The following POLN variants were observed in gnomAD, a reference collection of about 807,000 sequenced individuals.
POLN encodes DNA polymerase N.
Under a neutral mutation model 113.5 loss-of-function variants are expected in POLN, and 108 were observed. That is an observed-to-expected ratio of 0.95 (90% CI 0.81 to 1.12). The LOEUF (loss-of-function observed/expected upper bound fraction) is 1.12, where lower values mean the gene tolerates loss of function less well. Ranked by LOEUF, POLN falls within the 50% of genes most tolerant of loss-of-function variation. The probability of loss-of-function intolerance (pLI) is 0.00; values close to 1 mark genes in which losing one functional copy is unlikely to be tolerated. For synonymous variants in POLN, 386 were observed against 391.5 expected, an observed-to-expected ratio of 0.99 and a Z score of 0.17; for missense variants, 1,097 against 1,077.1, an observed-to-expected ratio of 1.02 and a Z score of -0.26.
intron 2 of POLN, chr4:2,241,033 C>CG (rs1734968671): frequency 1.1e-6 from 1 of 936,168 alleles, no homozygotes; most frequent in Non-Finnish European, 1.6e-6. Flanking sequence ...AAAAAAGCTA[C>CG]GTTTTATACC....
intron 16 of POLN, among the ~76,000 whole-genome samples, chr4:2,152,861 A>G (rs1732328357): frequency 6.6e-6 from 1 of 152,244 alleles, no homozygotes; most frequent in African/African-American, 2.4e-5. Context: ...GCTCTGCCAC[A>G]CATTGCTCAG....
intron 8 of POLN, 110 bp downstream of exon 8, chr4:2,179,198 T>A: frequency 9.1e-7 from 1 of 1,098,448 alleles, no homozygotes; most frequent in African/African-American, 1.6e-5. Flanking sequence ...TAAGTGAAAA[T>A]GAATGTTGAC....
At chr4:2,161,985 G>T (rs1202790264) in intron 13 of POLN, among the ~76,000 whole-genome samples, 7 of 152,084 alleles carry the variant, frequency 4.6e-5, no homozygotes, top group Admixed American at 2.0e-4. Flanking sequence ...CTAGCTCAGG[G>T]ATTGTAAATG....
rs979792160 is a variant in POLN, at chr4:2,078,465, T to G, written c.2387+2493A>C. On this transcript the variant is annotated intron_variant, in intron 23 of 25. Transcript: ENST00000511885. Reference sequence around the variant, plus strand: ...GACCCTTGGGGTGGCCAGATGAATCTTCTTCTTCTTTTTTTTTTTTTTTGT... The same window carrying G: ...GACCCTTGGGGTGGCCAGATGAATCGTCTTCTTCTTTTTTTTTTTTTTTGT... The G allele has an allele frequency of 7.3e-6, 5 of 683,866 alleles. No individual in the cohort carries two copies. The African/African-American group carries it at 9.8e-5, about 13-fold the overall frequency. The allele number at this position is 683,866 out of a possible 1,614,324, so 42.4% of individuals were successfully genotyped here.
intron 7 of POLN, 54 bp from the exon 8 acceptor site, chr4:2,179,519 C>T: frequency 1.3e-6 from 2 of 1,554,638 alleles, no homozygotes; most frequent in Non-Finnish European, 1.8e-6. Flanking sequence ...AGTTGTTTTT[C>T]CTGCTTTGAC....
chr4:2,109,457 G>A (rs1422771478), intron 19 of POLN, among the ~76,000 whole-genome samples: 1 of 152,128 alleles, frequency 6.6e-6, no homozygotes, highest in Non-Finnish European at 1.5e-5. Context: ...CCCCTTCTGA[G>A]AAAAGCAATG....
At chr4:2,092,433 GA>G (rs1560981320) in intron 20 of POLN, among the ~76,000 whole-genome samples, 2 of 152,226 alleles carry the variant, frequency 1.3e-5, no homozygotes, top group East Asian at 3.8e-4. Flanking sequence ...ACGGACATTT[GA>G]ATTCAGTTGA....
chr4:2,178,169 T>C (rs12651022), intron 8 of POLN, among the ~76,000 whole-genome samples: 37,170 of 151,680 alleles, frequency 0.25, 6,959 homozygotes, highest in African/African-American at 0.51. Context: ...CACGGGCTCA[T>C]ATCACCTCTT....
chr4:2,087,962 A>G (rs1315022415), intron 20 of POLN, among the ~76,000 whole-genome samples: 2 of 152,154 alleles, frequency 1.3e-5, no homozygotes, highest in Non-Finnish European at 2.9e-5. Flanking sequence ...CCTTCTGAGT[A>G]GCTACAGATG....
intron 13 of POLN, among the ~76,000 whole-genome samples, chr4:2,167,863 C>A (rs535414680): frequency 9.2e-5 from 14 of 152,100 alleles, no homozygotes; most frequent in Non-Finnish European, 1.3e-4. Context: ...TACATCACTG[C>A]ACTCCAGCCT....
chr4:2,234,760 A>C (rs1306151011), intron 2 of POLN, among the ~76,000 whole-genome samples: 3 of 152,250 alleles, frequency 2.0e-5, no homozygotes, highest in East Asian at 3.8e-4. Context: ...ATGTAATGCT[A>C]AATGCTTTGA....
rs112666310 is a variant in POLN at position 2,208,157 on chromosome 4, C to T, written c.544G>A (p.Glu182Lys). Reference sequence around the variant, plus strand: ...GAGTTCCCAGAATTTAGGTAGCCTTCGGCGTCATCAGTATCTTCTTCCAAT... The same window carrying T: ...GAGTTCCCAGAATTTAGGTAGCCTTTGGCGTCATCAGTATCTTCTTCCAAT... ...MALEEDTDDA[E>K]GYLNSGNSGA... Residue 182 changes from glutamate to lysine, a missense_variant, in exon 5 of 26, where the codon GAA becomes AAA. Transcript: ENST00000511885. 1.2e-4 allele frequency: 198 copies of T among 1,614,114 alleles called. No individual in the cohort carries two copies. Among genetic ancestry groups the T allele is most frequent in the African/African-American group, 1.2e-3 (91 of 75,036 alleles).
intron 14 of POLN, among the ~76,000 whole-genome samples, chr4:2,158,676 C>G (rs1251365496): frequency 2.6e-5 from 4 of 152,164 alleles, no homozygotes; most frequent in Non-Finnish European, 4.4e-5. Context: ...CAAAAGAGAA[C>G]TTTGGAAGGA....
Position 2,141,336 on chromosome 4 carries a change from T to G in POLN, c.1732-10046A>C, listed in dbSNP as rs73799522. Among the ~76,000 whole-genome samples, 329 of 152,320 alleles carry G rather than the reference T, an allele frequency of 2.2e-3. 1 individual carries two copies. Among genetic ancestry groups the G allele is most frequent in the African/African-American group, 7.5e-3 (310 of 41,568 alleles). On this transcript the variant is annotated intron_variant, in intron 16 of 25. Transcript: ENST00000511885. ...ACAGCTGGTGGATTCAGAGCCCAGC[T>G]GCTCTCCCCTCTCTGTCCTTCTCCT... is the stretch of plus-strand genomic sequence containing the variant.
chr4:2,098,683 G>T (rs1730853579), intron 19 of POLN, among the ~76,000 whole-genome samples: 1 of 152,196 alleles, frequency 6.6e-6, no homozygotes, highest in Non-Finnish European at 1.5e-5. Context: ...TGGCATGCAT[G>T]CACAACTTCT....
chr4:2,146,490 G>A (rs1295194555), intron 16 of POLN, among the ~76,000 whole-genome samples: 1 of 152,222 alleles, frequency 6.6e-6, no homozygotes, highest in East Asian at 1.9e-4. Context: ...GGCAACAAGA[G>A]CAAAACTCCA....
intron 3 of POLN, among the ~76,000 whole-genome samples, chr4:2,225,094 T>C (rs1428613255): frequency 1.3e-5 from 2 of 152,062 alleles, no homozygotes; most frequent in Non-Finnish European, 2.9e-5. Context: ...ACATCATTCA[T>C]TATGCAACAC....
intron 16 of POLN, among the ~76,000 whole-genome samples, chr4:2,143,510 G>A (rs1732057215): frequency 6.6e-6 from 1 of 152,140 alleles, no homozygotes; most frequent in African/African-American, 2.4e-5. Flanking sequence ...AAGAGATAAT[G>A]TGAGCAACTG....
chr4:2,182,445 T>C (rs1733166928), intron 7 of POLN, among the ~76,000 whole-genome samples: 3 of 151,242 alleles, frequency 2.0e-5, no homozygotes, highest in South Asian at 2.1e-4. Flanking sequence ...AGTCAAGGAG[T>C]GAAAAGGACT....
Sources: allele counts gnomAD v4.1 joint callset (sites outside exome capture counted in the v4.1 genomes callset), GRCh38; gene constraint gnomAD v4.1.1; transcripts MANE v1.5; gene names NCBI Gene and HGNC (gene_info 2026-07-23, HGNC 2026-07-21).